Variants in ROR2 observed in about 807,000 individuals in gnomAD.
ROR2 encodes tyrosine-protein kinase transmembrane receptor ROR2.
Under a neutral mutation model 74.9 loss-of-function variants are expected in ROR2, and 33 were observed. The observed-to-expected ratio is 0.44, with a 90% confidence interval of 0.33 to 0.59. ROR2 has a LOEUF of 0.59. Among genes scored for constraint, ROR2 ranks in the 20% least tolerant of loss-of-function variants. The pLI is 0.02. For synonymous variants in ROR2, 586 were observed against 558.7 expected, an observed-to-expected ratio of 1.05 and a Z score of -0.69; for missense variants, 1,216 against 1,313.8, an observed-to-expected ratio of 0.93 and a Z score of 1.15.
chr9:91,744,922 T>C (rs957169387), intron 4 of ROR2, among the ~76,000 whole-genome samples: 1 of 152,146 alleles, frequency 6.6e-6, no homozygotes, highest in Non-Finnish European at 1.5e-5. Context: ...TGAAAAACCC[T>C]GAAGTCAGTT....
At chr9:91,831,193 G>A (rs529762137) in intron 1 of ROR2, among the ~76,000 whole-genome samples, 160 of 151,758 alleles carry the variant, frequency 1.1e-3, no homozygotes, top group Non-Finnish European at 1.8e-3. Flanking sequence ...CCAGGGAGGC[G>A]GAGGCTGTGG....
intron 2 of ROR2, among the ~76,000 whole-genome samples, chr9:91,766,342 C>T (rs1047663818): frequency 5.3e-5 from 8 of 152,242 alleles, no homozygotes; most frequent in Non-Finnish European, 7.3e-5. Flanking sequence ...GCTTCTGCTG[C>T]GGCAGCCCAG....
At chr9:91,918,942 C>T (rs1010390038) in intron 1 of ROR2, among the ~76,000 whole-genome samples, 2 of 152,144 alleles carry the variant, frequency 1.3e-5, no homozygotes, top group Non-Finnish European at 2.9e-5. Context: ...CTGTCCTTGT[C>T]ATGCCCACAG....
At chr9:91,849,496 C>T (rs1021777904) in intron 1 of ROR2, among the ~76,000 whole-genome samples, 1 of 152,242 alleles carries the variant, frequency 6.6e-6, no homozygotes, top group Admixed American at 6.5e-5. Context: ...GACCCTGATT[C>T]CCACCCTAGG....
At chr9:91,816,206 G>A (rs1366756215) in intron 1 of ROR2, among the ~76,000 whole-genome samples, 3 of 152,068 alleles carry the variant, frequency 2.0e-5, no homozygotes, top group Admixed American at 2.0e-4. Flanking sequence ...ACCTTGCTCG[G>A]GCTCACTGCT....
At position 91,724,890 on chromosome 9, in the gene ROR2, T is replaced by C. The variant is rs772789770; in HGVS notation, c.1604A>G (p.Asn535Ser). ...CACCACGCCCAGCAGGCAGACGACG[T>C]TGGGGTGTTGCAGCCGTGCTCGCAG... ...AMLRARLQHP[N>S]VVCLLGVVTK... is the part of the protein sequence containing the mutation. The change falls in exon 9 of 9, where the codon AAC (asparagine) becomes AGC (serine). Residue 535 changes from asparagine to serine, a missense_variant. Transcript: ENST00000375708. The C allele has an allele frequency of 2.6e-5, 41 of 1,605,988 alleles. No homozygotes were observed. Among genetic ancestry groups the C allele is most frequent in the East Asian group, 1.1e-4 (5 of 44,704 alleles).
chr9:91,915,939 T>C (rs1831121444), intron 1 of ROR2, among the ~76,000 whole-genome samples: 1 of 152,178 alleles, frequency 6.6e-6, no homozygotes, highest in African/African-American at 2.4e-5. Context: ...GCTTCACCTC[T>C]CAAAATGAGG....
chr9:91,894,323 C>T (rs1830488435), intron 1 of ROR2, among the ~76,000 whole-genome samples: 1 of 152,174 alleles, frequency 6.6e-6, no homozygotes, highest in Non-Finnish European at 1.5e-5. Flanking sequence ...ATCTGATCTC[C>T]CCTGGCATCA....
At chr9:91,940,487 G>A (rs147645920) in intron 1 of ROR2, among the ~76,000 whole-genome samples, 1 of 152,284 alleles carries the variant, frequency 6.6e-6, no homozygotes, top group African/African-American at 2.4e-5. Context: ...CAAAGACAGA[G>A]ATTTTCAGTC....
intron 1 of ROR2, among the ~76,000 whole-genome samples, chr9:91,828,047 T>A (rs1828346028): frequency 6.6e-6 from 1 of 152,274 alleles, no homozygotes; most frequent in African/African-American, 2.4e-5. Context: ...ATAGGATCCT[T>A]TTGTCCAGCA....
At chr9:91,851,747 C>T (rs917561051) in intron 1 of ROR2, among the ~76,000 whole-genome samples, 3 of 151,996 alleles carry the variant, frequency 2.0e-5, no homozygotes, top group East Asian at 1.9e-4. Context: ...GAGGCCGAAG[C>T]GGGCAGATCA....
intron 2 of ROR2, among the ~76,000 whole-genome samples, chr9:91,773,313 GC>G (rs1246629762): frequency 2.6e-5 from 4 of 151,936 alleles, no homozygotes; most frequent in Non-Finnish European, 4.4e-5. Context: ...CTCATCACTC[GC>G]CCCCTCCCCC....
intron 1 of ROR2, among the ~76,000 whole-genome samples, chr9:91,890,370 C>A (rs988473570): frequency 6.6e-6 from 1 of 152,140 alleles, no homozygotes; most frequent in African/African-American, 2.4e-5. Context: ...TTCTTCATTT[C>A]TTTTTCTTTG....
intron 2 of ROR2, among the ~76,000 whole-genome samples, chr9:91,763,524 C>A (rs966135820): frequency 6.6e-6 from 1 of 152,192 alleles, no homozygotes; most frequent in African/African-American, 2.4e-5. Flanking sequence ...ATAGGTGCTG[C>A]GCTACAGTTT....
rs148271834 is a variant in ROR2 at position 91,724,729 on chromosome 9, G to A, written c.1765C>T (p.Pro589Ser). Residue 589 changes from proline to serine, a missense_variant, in exon 9 of 9, where the codon CCC becomes TCC. Coordinates refer to ENST00000375708, the MANE Select transcript of ROR2 (RefSeq NM_004560.4). ...GCCACAAGGTGCACGAAGTCGGGGG[G>A]CTCCAGGGCGGACTTCACCGTGCGG... is the stretch of plus-strand genomic sequence containing the variant. ...DDRTVKSALEPPDFVHLVAQI... is the reference protein window; with the variant it reads ...DDRTVKSALESPDFVHLVAQI... The A allele has an allele frequency of 6.2e-7, 1 of 1,614,126 alleles. No homozygotes were observed. The highest frequency in any genetic ancestry group is 1.3e-5 in the African/African-American group (1 of 75,066).
intron 1 of ROR2, among the ~76,000 whole-genome samples, chr9:91,945,080 A>C (rs1335733495): frequency 7.3e-6 from 1 of 137,486 alleles, no homozygotes; most frequent in Non-Finnish European, 1.6e-5. Flanking sequence ...ACCTTAACTC[A>C]AAAAAAAAAA....
intron 1 of ROR2, among the ~76,000 whole-genome samples, chr9:91,853,951 T>C (rs1016880578): frequency 6.6e-6 from 1 of 152,090 alleles, no homozygotes. Context: ...CCATCATAGA[T>C]TGGGCTCCCC....
rs139190631 is a variant in ROR2 at position 91,914,465 on chromosome 9, C to T, written c.97+35402G>A. On this transcript the variant is annotated intron_variant, in intron 1 of 8. Coordinates refer to ENST00000375708, the MANE Select transcript of ROR2 (RefSeq NM_004560.4). ...GAATCTTCCCTTAACAAGAGAGCTG[C>T]GGGGAGGTGGTTCATGACGTCACCG... Among the ~76,000 whole-genome samples the T allele has an allele frequency of 2.7e-4, 41 of 152,214 alleles. No individual in the cohort carries two copies. In the East Asian group the frequency reaches 4.4e-3, roughly 16 times the overall value.
At chr9:91,916,125 A>C (rs997341371) in intron 1 of ROR2, among the ~76,000 whole-genome samples, 1 of 152,216 alleles carries the variant, frequency 6.6e-6, no homozygotes, top group African/African-American at 2.4e-5. Context: ...GAAAGCAACA[A>C]GGAAGAAGGG....
Sources: allele counts gnomAD v4.1 joint callset (sites outside exome capture counted in the v4.1 genomes callset), GRCh38; gene constraint gnomAD v4.1.1; transcripts MANE v1.5; gene names NCBI Gene and HGNC (gene_info 2026-07-23, HGNC 2026-07-21).